The following PHF21B variants were observed in gnomAD, a reference collection of about 807,000 sequenced individuals.
PHF21B encodes PHD finger protein 21B, also known as PHD finger protein 4.
PHF21B carries 22 observed loss-of-function variants against 62.2 expected under a neutral mutation model. The ratio of observed to expected loss-of-function variants is 0.35; its 90% CI spans 0.25 to 0.51. PHF21B has a LOEUF of 0.51. Ranked by LOEUF, PHF21B falls within the 20% of genes least tolerant of loss-of-function variation. The pLI is 0.97. For missense variants in PHF21B, 701 were observed against 707.9 expected, an observed-to-expected ratio of 0.99 and a Z score of 0.11; for synonymous variants, 341 against 314.7, an observed-to-expected ratio of 1.08 and a Z score of -0.88.
chr22:44,918,799 A>AGGGTG (rs747797631), intron 3 of PHF21B, among the ~76,000 whole-genome samples: 4 of 152,190 alleles, frequency 2.6e-5, no homozygotes, highest in Non-Finnish European at 5.9e-5. Flanking sequence ...GGAAGAAGAG[A>AGGGTG]GGGTGCTGGG....
chr22:44,999,529 G>A (rs947058422), intron 2 of PHF21B, among the ~76,000 whole-genome samples: 3 of 152,080 alleles, frequency 2.0e-5, no homozygotes, highest in Admixed American at 6.6e-5. Context: ...CTTCTATTTC[G>A]GAGCAAAAGT....
intron 2 of PHF21B, among the ~76,000 whole-genome samples, chr22:44,975,161 C>T (rs780068463): frequency 1.1e-4 from 16 of 152,186 alleles, no homozygotes; most frequent in Admixed American, 3.3e-4. Flanking sequence ...CACCATCCTC[C>T]TCTCACCCCT....
intron 2 of PHF21B, among the ~76,000 whole-genome samples, chr22:44,978,064 G>T (rs1037414533): frequency 2.0e-5 from 3 of 152,018 alleles, no homozygotes; most frequent in Non-Finnish European, 4.4e-5. Context: ...ATCCATCAGT[G>T]GTGGCCACAT....
In PHF21B at chr22:44,883,149, G is replaced by A. The variant is rs1430553744; in HGVS notation, c.1533C>T (p.Pro511=). ...TGGCTGCCACTGAGGGCTTGGTCCA[G>A]GGCCCGGCCAGCAGTGGGGCAGGGC... ...TTSPAPLLAG[P]WTKPSVAATH... is the part of the protein sequence containing the mutation. The change falls in exon 13 of 13, where the codon CCC becomes CCT. Residue 511 remains proline (P), a synonymous_variant. Transcript: ENST00000313237. The A allele has an allele frequency of 1.2e-6, 2 of 1,612,976 alleles. No homozygotes were observed. The highest frequency in any genetic ancestry group is 1.7e-6 in the Non-Finnish European group (2 of 1,179,976).
intron 2 of PHF21B, among the ~76,000 whole-genome samples, chr22:44,925,109 G>A (rs1016585903): frequency 6.6e-6 from 1 of 152,174 alleles, no homozygotes; most frequent in Admixed American, 6.5e-5. Context: ...CAAACAAAGT[G>A]ACAGAAAATA....
At chr22:44,941,497 C>T (rs949455521) in intron 2 of PHF21B, among the ~76,000 whole-genome samples, 5 of 152,182 alleles carry the variant, frequency 3.3e-5, no homozygotes, top group Non-Finnish European at 5.9e-5. Context: ...AGAGTAACAG[C>T]GGCGGAGGAG....
chr22:44,891,026 TG>T (rs1325102744), intron 8 of PHF21B, among the ~76,000 whole-genome samples: 1 of 152,206 alleles, frequency 6.6e-6, no homozygotes, highest in Non-Finnish European at 1.5e-5. Flanking sequence ...CAGCAGCACC[TG>T]GGCTGGGTCA....
rs73422597 is a variant in PHF21B at position 44,965,347 on chromosome 22, T to C, written c.120+43198A>G. Among the ~76,000 whole-genome samples, 1,403 of 152,040 alleles carry C rather than the reference T, an allele frequency of 9.2e-3. 28 individuals are homozygous for C. The highest frequency in any genetic ancestry group is 0.033 in the African/African-American group (1,348 of 41,436). On this transcript the variant is annotated intron_variant, in intron 2 of 12. Transcript: ENST00000313237. ...CTCAGATGTGGGTCCTTTGGGTCTG[T>C]GCCTATCCCTCCCCCGCCACCACTA... is the stretch of plus-strand genomic sequence containing the variant.
At chr22:44,943,221 C>A (rs1465007480) in intron 2 of PHF21B, among the ~76,000 whole-genome samples, 2 of 152,174 alleles carry the variant, frequency 1.3e-5, no homozygotes, top group African/African-American at 2.4e-5. Flanking sequence ...TGCCTGTAGT[C>A]CCTGAGCCCG....
At chr22:44,887,856 C>T in intron 10 of PHF21B, 107 bp downstream of exon 10, 1 of 1,217,022 alleles carries the variant, frequency 8.2e-7, no homozygotes, top group Non-Finnish European at 1.1e-6. Flanking sequence ...TTGAAAAAGC[C>T]TTCCTATACC....
Position 44,887,837 on chromosome 22 carries a change from G to C in PHF21B, c.1197+126C>G, listed in dbSNP as rs1444781579. On this transcript the variant is annotated intron_variant, in intron 10 of 12. Coordinates refer to ENST00000313237, the MANE Select transcript of PHF21B (RefSeq NM_138415.5). ...GATTATCCAGCCCCAAATGTCAATT[G>C]TGCTGAGGTTGAAAAAGCCTTCCTA... 6.1e-6 allele frequency: 6 copies of C among 983,860 alleles called. No individual in the cohort carries two copies. The African/African-American group carries it at 8.6e-5, about 14-fold the overall frequency. 60.9% of individuals were successfully genotyped at this position (983,860 alleles called of 1,614,324 possible).
Position 45,008,972 on chromosome 22 carries a change from G to C in PHF21B, c.55-362C>G, listed in dbSNP as rs1297291436. On this transcript the variant is annotated intron_variant, in intron 1 of 12. Transcript: ENST00000313237. ...AGAGCCAAGTAAACACGGCGAGTCC[G>C]TGTCGAGCAAAGCTCATAAATATTC... The C allele has an allele frequency of 1.9e-5, 21 of 1,082,058 alleles. No individual in the cohort carries two copies. In the South Asian group the frequency reaches 4.0e-4, roughly 21 times the overall value. The allele number at this position is 1,082,058 out of a possible 1,614,324, so 67.0% of individuals were successfully genotyped here. A position where few individuals can be genotyped will look rare whatever the true frequency, so the allele number is the denominator to read the frequency against.
chr22:44,933,181 G>A (rs2071776487), intron 2 of PHF21B, among the ~76,000 whole-genome samples: 1 of 149,660 alleles, frequency 6.7e-6, no homozygotes. Context: ...GGCACATCTC[G>A]GCTTGCTGCA....
chr22:44,883,747 A>G (rs2070779069), intron 12 of PHF21B, among the ~76,000 whole-genome samples: 1 of 152,162 alleles, frequency 6.6e-6, no homozygotes, highest in African/African-American at 2.4e-5. Context: ...AGCAGTAAGG[A>G]CTGATGCCTA....
chr22:44,916,658 A>G (rs1160031385), intron 3 of PHF21B, 28 bp from the exon 4 acceptor site: 5 of 1,590,556 alleles, frequency 3.1e-6, no homozygotes, highest in Non-Finnish European at 4.3e-6. Flanking sequence ...GTATGTGGTC[A>G]GACAGGCAGA....
intron 2 of PHF21B, among the ~76,000 whole-genome samples, chr22:44,959,964 C>A (rs2072384030): frequency 6.6e-6 from 1 of 152,216 alleles, no homozygotes; most frequent in South Asian, 2.1e-4. Flanking sequence ...CCAGGAAGCG[C>A]TCTGAGCAGG....
At chr22:44,920,870 T>C (rs1266499385) in intron 2 of PHF21B, among the ~76,000 whole-genome samples, 2 of 152,236 alleles carry the variant, frequency 1.3e-5, no homozygotes, top group Admixed American at 6.5e-5. Context: ...GGATCTTCCA[T>C]TCAGCAGACA....
chr22:44,910,043 A>C (rs1262189904), intron 5 of PHF21B, among the ~76,000 whole-genome samples: 1 of 152,218 alleles, frequency 6.6e-6, no homozygotes, highest in East Asian at 1.9e-4. Flanking sequence ...AGCCTTTGGC[A>C]CGGAGCCTGG....
chr22:44,926,580 T>G (rs1324842614), intron 2 of PHF21B, among the ~76,000 whole-genome samples: 1 of 152,142 alleles, frequency 6.6e-6, no homozygotes, highest in Non-Finnish European at 1.5e-5. Context: ...GGTTGCTGTG[T>G]GAAGTTGCTC....
Sources: allele counts gnomAD v4.1 joint callset (sites outside exome capture counted in the v4.1 genomes callset), GRCh38; gene constraint gnomAD v4.1.1; transcripts MANE v1.5; gene names NCBI Gene and HGNC (gene_info 2026-07-23, HGNC 2026-07-21).